HEBP1: variants seen among roughly 807,000 people sequenced by gnomAD.
HEBP1 encodes the protein heme-binding protein 1.
Under a neutral mutation model 20.4 loss-of-function variants are expected in HEBP1, and 13 were observed. The ratio of observed to expected loss-of-function variants is 0.64; its 90% CI spans 0.42 to 1.01. HEBP1 has a LOEUF of 1.01. HEBP1 is among the 50% of genes least tolerant of loss of function. HEBP1 has a pLI of 0.00. For synonymous variants in HEBP1, 92 were observed against 90.7 expected, an observed-to-expected ratio of 1.01 and a Z score of -0.08; for missense variants, 241 against 247.3, an observed-to-expected ratio of 0.97 and a Z score of 0.17.
chr12:12,992,740 G>A (rs1038214392), intron 1 of HEBP1, among the ~76,000 whole-genome samples: 6 of 152,188 alleles, frequency 3.9e-5, no homozygotes, highest in African/African-American at 1.4e-4. Context: ...TGCTCTTTCT[G>A]TTGCTGCAGA....
chr12:12,975,166 A>T lies in HEBP1; in HGVS notation c.*142T>A, dbSNP rs1250748312. 4 of 713,328 alleles carry T rather than the reference A, an allele frequency of 5.6e-6. No homozygotes were observed. Among genetic ancestry groups the T allele is most frequent in the Non-Finnish European group, 9.5e-6 (4 of 422,562 alleles). 44.2% of individuals were successfully genotyped at this position (713,328 alleles called of 1,614,324 possible). On this transcript the variant is annotated 3_prime_UTR_variant, in exon 4 of 4. Coordinates refer to ENST00000014930, the MANE Select transcript of HEBP1 (RefSeq NM_015987.5). ...AGTATATGGAACATGCTTTTTTCAG[A>T]AAATTGGCAGTAACTGACTTTGAAG...
rs201807495 is a variant in HEBP1, at chr12:13,000,071, G to A, written c.44C>T (p.Thr15Met). 9.9e-6 allele frequency: 16 copies of A among 1,612,696 alleles called. No individual in the cohort carries two copies. The East Asian group carries it at 3.3e-4, about 34-fold the overall frequency. Residue 15 changes from threonine (T) to methionine (M), a missense_variant, in exon 1 of 4, where the codon ACG (threonine) becomes ATG (methionine). By Grantham distance (81) the Thr-to-Met change is moderately conservative (BLOSUM62 -1). Transcript: ENST00000014930. ...TTTGCTTAGGACCTGCCAAGGCCAC[G>A]TCTCTACGCTTCCGAACAGCGAGTT... ...IKNSLFGSVE[T>M]WPWQVLSKGD... is the part of the protein sequence containing the mutation.
chr12:12,977,986 CCTGACAGAGCTAA>C (rs1864016435), intron 3 of HEBP1, among the ~76,000 whole-genome samples: 1 of 152,072 alleles, frequency 6.6e-6, no homozygotes, highest in African/African-American at 2.4e-5. Flanking sequence ...ATGTCTTCAG[CCTGACAGAGCTAA>C]AGATGACAGC....
intron 1 of HEBP1, among the ~76,000 whole-genome samples, chr12:12,991,835 C>G (rs892557079): frequency 3.9e-5 from 6 of 151,986 alleles, no homozygotes; most frequent in Non-Finnish European, 7.4e-5. Flanking sequence ...TTATTCCATC[C>G]CATTAGAAGA....
chr12:12,992,989 C>CTA (rs1864242967), intron 1 of HEBP1, among the ~76,000 whole-genome samples: 1 of 152,174 alleles, frequency 6.6e-6, no homozygotes, highest in South Asian at 2.1e-4. Context: ...TTCCCAAACT[C>CTA]TAGTCTACTC....
At position 12,975,083 on chromosome 12, in the gene HEBP1, A is replaced by G. The variant is rs570127716; in HGVS notation, c.*225T>C. ...GTCTATCGCAGAATTTTCTACATCA[A>G]TGAGAAGGATGCTGCATATCTTGGC... On this transcript the variant is annotated 3_prime_UTR_variant, in exon 4 of 4. Coordinates refer to ENST00000014930, the MANE Select transcript of HEBP1 (RefSeq NM_015987.5). 1.5e-5 allele frequency: 6 copies of G among 398,440 alleles called. No individual in the cohort carries two copies. Among genetic ancestry groups the G allele is most frequent in the Non-Finnish European group, 2.7e-5 (6 of 224,228 alleles). 24.7% of individuals were successfully genotyped at this position (398,440 alleles called of 1,614,324 possible). A position where few individuals can be genotyped will look rare whatever the true frequency, so the allele number is the denominator to read the frequency against.
chr12:12,983,313 C>T (rs1191535875), intron 3 of HEBP1: 1 of 200,168 alleles, frequency 5.0e-6, no homozygotes, highest in Non-Finnish European at 1.0e-5. Flanking sequence ...GAATACTAAA[C>T]ATATTCTGAT....
intron 3 of HEBP1, among the ~76,000 whole-genome samples, chr12:12,977,900 T>C (rs1174914813): frequency 6.6e-6 from 1 of 152,216 alleles, no homozygotes; most frequent in East Asian, 1.9e-4. Flanking sequence ...TGATGTACAC[T>C]GAGCACCTAA....
chr12:12,989,008 C>A (rs850919), intron 2 of HEBP1, among the ~76,000 whole-genome samples: 116,283 of 152,084 alleles, frequency 0.76, 47,059 homozygotes, highest in East Asian at 0.98. Context: ...AAAATAGAGC[C>A]TATGGTCCCA....
At chr12:12,997,772 C>T (rs1245910740) in intron 1 of HEBP1, among the ~76,000 whole-genome samples, 1 of 152,220 alleles carries the variant, frequency 6.6e-6, no homozygotes, top group African/African-American at 2.4e-5. Flanking sequence ...GGGCCATCAT[C>T]ATTAATCCAA....
At chr12:12,978,360 G>A (rs888223318) in intron 3 of HEBP1, among the ~76,000 whole-genome samples, 30 of 151,832 alleles carry the variant, frequency 2.0e-4, no homozygotes, top group African/African-American at 6.8e-4. Flanking sequence ...ACAGGCACAC[G>A]CCCAGCTAAT....
At chr12:12,976,077 C>CAAAAAA (rs56110606) in intron 3 of HEBP1, among the ~76,000 whole-genome samples, 65 of 85,806 alleles carry the variant, frequency 7.6e-4, no homozygotes, top group Non-Finnish European at 9.7e-4. Context: ...GACCCTGTGT[C>CAAAAAA]AAAAAAAAAA....
At chr12:12,999,938 T>C in intron 1 of HEBP1, 99 bp downstream of exon 1, 1 of 710,276 alleles carries the variant, frequency 1.4e-6, no homozygotes, top group Non-Finnish European at 2.4e-6. Flanking sequence ...CGATAGCACA[T>C]TCCTGCCCCA....
chr12:12,987,404 T>G (rs80087909), intron 2 of HEBP1, 72 bp from the exon 3 acceptor site: 24,363 of 1,182,374 alleles, frequency 0.021, 310 homozygotes, highest in Middle Eastern at 0.035. Flanking sequence ...GAAGACACAT[T>G]AGTTCCATTC....
At chr12:12,983,551 C>A in intron 3 of HEBP1, 1 of 368,780 alleles carries the variant, frequency 2.7e-6, no homozygotes, top group Non-Finnish European at 5.5e-6. Context: ...TGCCTTCTAC[C>A]ATCTCATTAA....
At chr12:12,977,121 C>A (rs1298271383) in intron 3 of HEBP1, among the ~76,000 whole-genome samples, 2 of 152,198 alleles carry the variant, frequency 1.3e-5, no homozygotes, top group Non-Finnish European at 2.9e-5. Context: ...CAGTTAGAGG[C>A]AAAATGGCTA....
In HEBP1 at chr12:12,996,598, T is replaced by C. The variant is rs1438020128; in HGVS notation, c.78+3439A>G. On this transcript the variant is annotated intron_variant, in intron 1 of 3. Transcript: ENST00000014930. The surrounding 1 kb of genome is among the most constrained non-coding windows in gnomAD (Gnocchi z 4.1). Reference sequence around the variant, plus strand: ...CCCAGGCTGTTTCCAGGATAAAATATAATTTCAGGGAGAGGTTCTCTTCAA... The same window carrying C: ...CCCAGGCTGTTTCCAGGATAAAATACAATTTCAGGGAGAGGTTCTCTTCAA... Among the ~76,000 whole-genome samples, 1 of 152,128 alleles carries C rather than the reference T, an allele frequency of 6.6e-6. No homozygotes were observed. The highest frequency in any genetic ancestry group is 1.5e-5 in the Non-Finnish European group (1 of 68,016).
chr12:12,980,641 A>G (rs1444193085), intron 3 of HEBP1: 1 of 150,498 alleles, frequency 6.6e-6, no homozygotes, highest in Non-Finnish European at 1.5e-5. Flanking sequence ...AGCTGGGGAC[A>G]TATGAGCAAA....
chr12:12,982,580 T>G (rs1864100857), intron 3 of HEBP1, among the ~76,000 whole-genome samples: 1 of 152,182 alleles, frequency 6.6e-6, no homozygotes, highest in Admixed American at 6.5e-5. Context: ...CCTGGTCATT[T>G]AGAGGGAAAA....
Sources: allele counts gnomAD v4.1 joint callset (sites outside exome capture counted in the v4.1 genomes callset), GRCh38; gene constraint gnomAD v4.1.1; non-coding constraint Gnocchi (gnomAD v3.1); transcripts MANE v1.5; gene names NCBI Gene and HGNC (gene_info 2026-07-23, HGNC 2026-07-21).